Variants in HGSNAT observed in about 807,000 individuals in gnomAD.
HGSNAT encodes the protein heparan-alpha-glucosaminide N-acetyltransferase.
HGSNAT carries 59 observed loss-of-function variants against 85.2 expected under a neutral mutation model. That is an observed-to-expected ratio of 0.69 (90% confidence interval 0.56 to 0.86). HGSNAT has a LOEUF of 0.86. Ranked by LOEUF, HGSNAT falls within the 40% of genes least tolerant of loss-of-function variation. HGSNAT has a pLI of 0.00. For missense variants in HGSNAT, 756 were observed against 777.1 expected (o/e 0.97, Z 0.32); for synonymous variants, 321 against 304.5 (o/e 1.05, Z -0.56).
chr8:43,164,583 C>T (rs1169936829), intron 5 of HGSNAT, among the ~76,000 whole-genome samples: 1 of 152,096 alleles, frequency 6.6e-6, no homozygotes, highest in Non-Finnish European at 1.5e-5. Flanking sequence ...AGTTCGAGAC[C>T]AGCCTGGCCA....
chr8:43,185,665 C>T (rs1804282403), intron 11 of HGSNAT, among the ~76,000 whole-genome samples: 1 of 152,166 alleles, frequency 6.6e-6, no homozygotes, highest in African/African-American at 2.4e-5. Flanking sequence ...CCAGAACTTC[C>T]AATCCTATGT....
chr8:43,149,713 A>AAT (rs1554528284), intron 2 of HGSNAT, among the ~76,000 whole-genome samples: 2 of 151,338 alleles, frequency 1.3e-5, no homozygotes, highest in African/African-American at 4.9e-5. Flanking sequence ...AAAAAAAAAA[A>AAT]TTTTTTTTTA....
At chr8:43,140,635 G>T (rs776208211) in intron 1 of HGSNAT, 21 bp downstream of exon 1, 1 of 1,148,038 alleles carries the variant, frequency 8.7e-7, no homozygotes, top group Non-Finnish European at 1.1e-6. Context: ...ACCTCCTACC[G>T]CCGCCCGGCC....
chr8:43,145,214 G>C (rs1240544402), intron 1 of HGSNAT, among the ~76,000 whole-genome samples: 3 of 152,162 alleles, frequency 2.0e-5, no homozygotes, highest in East Asian at 3.8e-4. Context: ...AGAGAGGCTT[G>C]GGTAAGGAAG....
rs1479842105 is a variant in HGSNAT at position 43,201,693 on chromosome 8, A to G, written c.*2124A>G. Reference sequence around the variant, plus strand: ...GTGACAGTTACCTGTGTGCATGTGCAATTTCTAATTTCCCACGCTAGACTG... The same window carrying G: ...GTGACAGTTACCTGTGTGCATGTGCGATTTCTAATTTCCCACGCTAGACTG... On this transcript the variant is annotated 3_prime_UTR_variant, in exon 18 of 18. Transcript: ENST00000379644. The surrounding 1 kb of genome is among the most constrained non-coding windows in gnomAD (Gnocchi z 4.4). 2.6e-5 allele frequency: 4 copies of G among 152,174 alleles called. No homozygotes were observed. Among genetic ancestry groups the G allele is most frequent in the Non-Finnish European group, 4.4e-5 (3 of 68,048 alleles). The allele number at this position is 152,174 out of a possible 1,614,324, so 9.4% of individuals were successfully genotyped here. A position where few individuals can be genotyped will look rare whatever the true frequency, so the allele number is the denominator to read the frequency against.
chr8:43,176,943 T>C (rs928474409), intron 9 of HGSNAT, among the ~76,000 whole-genome samples: 1 of 152,224 alleles, frequency 6.6e-6, no homozygotes, highest in Non-Finnish European at 1.5e-5. Context: ...AATAGTTTTC[T>C]GGTGGAGTCT....
At chr8:43,193,046 T>C (rs1209042136) in intron 13 of HGSNAT, among the ~76,000 whole-genome samples, 1 of 152,198 alleles carries the variant, frequency 6.6e-6, no homozygotes, top group Non-Finnish European at 1.5e-5. Flanking sequence ...TTGTTCTGAA[T>C]TGAGGCAAAG....
At chr8:43,194,311 T>C in intron 14 of HGSNAT, 2 of 790,712 alleles carry the variant, frequency 2.5e-6, no homozygotes, top group Non-Finnish European at 3.1e-6. Flanking sequence ...GGTAGGAGTA[T>C]GGCTTGAACC....
chr8:43,148,540 C>T (rs1563354936), intron 2 of HGSNAT, among the ~76,000 whole-genome samples: 1 of 151,800 alleles, frequency 6.6e-6, no homozygotes, highest in Non-Finnish European at 1.5e-5. Flanking sequence ...GTAATCCCAG[C>T]ACTTTGGGAG....
intron 15 of HGSNAT, chr8:43,197,434 GTCA>G (rs1804762406): frequency 5.3e-6 from 3 of 564,402 alleles, no homozygotes; most frequent in Non-Finnish European, 9.4e-6. Flanking sequence ...CAGAGTCACT[GTCA>G]TTTAATCAGT....
intron 11 of HGSNAT, among the ~76,000 whole-genome samples, 195 bp from the exon 12 acceptor site, chr8:43,191,279 T>G (rs1804517410): frequency 6.6e-6 from 1 of 152,230 alleles, no homozygotes; most frequent in South Asian, 2.1e-4. Context: ...TCTGCTGATT[T>G]CTTTTGAATG....
At chr8:43,196,481 C>G in intron 14 of HGSNAT, 1 of 1,289,700 alleles carries the variant, frequency 7.8e-7, no homozygotes, top group Non-Finnish European at 1.0e-6. Context: ...ACCCTTGTCA[C>G]CTTTGTGGAG....
intron 13 of HGSNAT, 54 bp downstream of exon 13, chr8:43,192,484 G>A: frequency 6.5e-7 from 1 of 1,538,644 alleles, no homozygotes. Context: ...CAGAAGTGAA[G>A]GAAAGTAGAA....
intron 2 of HGSNAT, among the ~76,000 whole-genome samples, chr8:43,147,807 AG>A (rs1244322212): frequency 6.6e-6 from 1 of 152,198 alleles, no homozygotes; most frequent in Non-Finnish European, 1.5e-5. Context: ...TAGTACCTAT[AG>A]GGCTGAAAAA....
chr8:43,191,960 G>T (rs1224059343), intron 12 of HGSNAT, among the ~76,000 whole-genome samples: 2 of 151,790 alleles, frequency 1.3e-5, no homozygotes, highest in Admixed American at 1.3e-4. Flanking sequence ...ATGGAATCTT[G>T]CTCTGTCGCC....
chr8:43,152,590 A>G (rs1802953245), intron 2 of HGSNAT, among the ~76,000 whole-genome samples: 1 of 152,128 alleles, frequency 6.6e-6, no homozygotes, highest in Non-Finnish European at 1.5e-5. Flanking sequence ...AGCTAGGACT[A>G]TAGGCGTGGA....
At chr8:43,144,031 C>T (rs189440813) in intron 1 of HGSNAT, among the ~76,000 whole-genome samples, 1 of 152,016 alleles carries the variant, frequency 6.6e-6, no homozygotes, top group African/African-American at 2.4e-5. Flanking sequence ...AAAGATTTTA[C>T]TCTTGGGCCC....
chr8:43,154,423 A>C lies in HGSNAT; in HGVS notation c.235-4152A>C, dbSNP rs532993369. 2.1e-5 allele frequency among the ~76,000 whole-genome samples: 3 copies of C among 145,398 alleles called. No individual in the cohort carries two copies. The South Asian group carries it at 6.5e-4, about 32-fold the overall frequency. ...TGTGTTCTCATTGTTCAATTCCCACATATGAGTGAGAGCACGCGGTGTTTG... is the reference window on the plus strand; with the variant it reads ...TGTGTTCTCATTGTTCAATTCCCACCTATGAGTGAGAGCACGCGGTGTTTG... On this transcript the variant is annotated intron_variant, in intron 2 of 17. Transcript: ENST00000379644.
intron 5 of HGSNAT, among the ~76,000 whole-genome samples, chr8:43,168,840 C>G (rs1019770645): frequency 6.6e-6 from 1 of 152,022 alleles, no homozygotes; most frequent in African/African-American, 2.4e-5. Flanking sequence ...TGGTTGTTTC[C>G]AAGTTTTTGC....
Sources: gnomAD v4.1 joint callset for allele counts (sites outside exome capture counted in the v4.1 genomes callset) on GRCh38, gnomAD v4.1.1 for gene constraint, Gnocchi (gnomAD v3.1) non-coding constraint, MANE v1.5 for transcripts, NCBI Gene and HGNC (gene_info 2026-07-23, HGNC 2026-07-21) for gene names.